The following BCL6 variants were observed in gnomAD, a reference collection of about 807,000 sequenced individuals.
The protein encoded by BCL6 is BCL6 transcription repressor.
A neutral mutation model predicts 59.5 loss-of-function variants in BCL6; 7 were observed. The observed-to-expected ratio is 0.12, with a 90% CI of 0.07 to 0.22. The LOEUF is 0.22. BCL6 is among the 10% of genes least tolerant of loss of function. The pLI is 1.00. For missense variants in BCL6, 685 were observed against 939.4 expected, an observed-to-expected ratio of 0.73 and a Z score of 3.54; for synonymous variants, 339 against 349.7, an observed-to-expected ratio of 0.97 and a Z score of 0.34.
intron 1 of BCL6, among the ~76,000 whole-genome samples, chr3:187,744,557 C>G (rs527484525): frequency 1.3e-5 from 2 of 152,294 alleles, no homozygotes; most frequent in South Asian, 2.1e-4. Context: ...GATACTTCAT[C>G]TCATCTGGAT....
chr3:187,744,201 T>G (rs148200833), intron 1 of BCL6, among the ~76,000 whole-genome samples: 3 of 152,162 alleles, frequency 2.0e-5, no homozygotes, highest in African/African-American at 4.8e-5. Context: ...GCGCCCAAAA[T>G]ACAAACACCG....
At chr3:187,744,647 G>C (rs1312771250) in intron 1 of BCL6, among the ~76,000 whole-genome samples, 1 of 152,182 alleles carries the variant, frequency 6.6e-6, no homozygotes, top group African/African-American at 2.4e-5. Context: ...CGGCTCGAAG[G>C]CAGGGAATCT....
At chr3:187,730,584 T>A (rs759738696) in intron 4 of BCL6, among the ~76,000 whole-genome samples, 1 of 152,224 alleles carries the variant, frequency 6.6e-6, no homozygotes, top group Non-Finnish European at 1.5e-5. Context: ...TGCCAATGTA[T>A]GAATCCCTGG....
intron 1 of BCL6, among the ~76,000 whole-genome samples, chr3:187,743,758 C>T (rs1711717542): frequency 1.4e-5 from 2 of 143,050 alleles, no homozygotes; most frequent in Middle Eastern, 3.6e-3. Flanking sequence ...GCCCCCGGAG[C>T]TCAGCCGATT....
intron 1 of BCL6, among the ~76,000 whole-genome samples, chr3:187,744,917 CGA>C: frequency 6.6e-6 from 1 of 152,226 alleles, no homozygotes; most frequent in Middle Eastern, 3.4e-3. Flanking sequence ...AGCGAGAGCG[CGA>C]GCGCGCGTCC....
chr3:187,738,541 C>T lies in BCL6; in HGVS notation c.-49-3634G>A, dbSNP rs142163377. ...TCGGCAAAGGCCGGGGCCCCGACCC[C>T]TGCGCGCGCACTGGCACTCTCCAAA... On this transcript the variant is annotated intron_variant, in intron 1 of 9. Transcript: ENST00000406870. Among the ~76,000 whole-genome samples, 292 of 152,324 alleles carry T rather than the reference C, an allele frequency of 1.9e-3. 1 individual carries two copies. Among genetic ancestry groups the T allele is most frequent in the African/African-American group, 6.8e-3 (281 of 41,582 alleles).
Position 187,722,262 on chromosome 3 carries a change from G to T in BCL6, c.*196C>A. The T allele has an allele frequency of 1.8e-6, 1 of 555,952 alleles. No individual in the cohort carries two copies. The highest frequency in any genetic ancestry group is 2.9e-6 in the Non-Finnish European group (1 of 339,850). 34.4% of individuals were successfully genotyped at this position (555,952 alleles called of 1,614,324 possible). On this transcript the variant is annotated 3_prime_UTR_variant, in exon 10 of 10. Transcript: ENST00000406870. Reference sequence around the variant, plus strand: ...AATATGATTTTCTTAATGTTTTATGGCAGTGGGGGAGGGGGAGCTGCTGCG... The same window carrying T: ...AATATGATTTTCTTAATGTTTTATGTCAGTGGGGGAGGGGGAGCTGCTGCG...
chr3:187,744,212 C>CA (rs764850592), intron 1 of BCL6, among the ~76,000 whole-genome samples: 19 of 152,312 alleles, frequency 1.2e-4, no homozygotes, highest in Non-Finnish European at 2.4e-4. Context: ...ACAAACACCG[C>CA]AGCGGCCAGA....
intron 1 of BCL6, among the ~76,000 whole-genome samples, chr3:187,740,739 T>A (rs910331511): frequency 6.6e-6 from 1 of 152,196 alleles, no homozygotes; most frequent in Admixed American, 6.5e-5. Context: ...CTAGGTGGCA[T>A]CCTTCCACTA....
In BCL6 at chr3:187,725,187, C is replaced by T; in HGVS notation, c.1840-109G>A. ...GTGGGCCTTTCTCCAGGCCACTCTG[C>T]TCACCTGCACACAGGGACTGAGTGG... On this transcript the variant is annotated intron_variant, in intron 8 of 9. Transcript: ENST00000406870. This position sits in a 1 kb window ranked among gnomAD's most constrained non-coding sequence, Gnocchi z 4.7. The T allele has an allele frequency of 6.7e-7, 1 of 1,489,370 alleles. No individual in the cohort carries two copies. Among genetic ancestry groups the T allele is most frequent in the Non-Finnish European group, 9.2e-7 (1 of 1,086,870 alleles). 92.3% of individuals were successfully genotyped at this position (1,489,370 alleles called of 1,614,324 possible).
intron 1 of BCL6, among the ~76,000 whole-genome samples, chr3:187,744,832 GCGAGAAAAGAGGGAAAAAACACAGCCGCA>G: frequency 6.6e-6 from 1 of 152,110 alleles, no homozygotes; most frequent in East Asian, 1.9e-4. Context: ...CAGTTTGCAA[GCGAGAAAAGAGGGAAAAAACACAGCCGCA>G]CGAATCCAGA....
intron 1 of BCL6, among the ~76,000 whole-genome samples, chr3:187,742,591 T>G (rs955023591): frequency 6.6e-6 from 1 of 152,126 alleles, no homozygotes; most frequent in Non-Finnish European, 1.5e-5. Context: ...TGCTTCGGCC[T>G]CTAGTATTGG....
intron 1 of BCL6, among the ~76,000 whole-genome samples, chr3:187,740,160 G>A (rs1711535537): frequency 6.6e-6 from 1 of 152,170 alleles, no homozygotes; most frequent in South Asian, 2.1e-4. Flanking sequence ...TCACGAGCTC[G>A]GAGAAAGAAA....
intron 1 of BCL6, among the ~76,000 whole-genome samples, chr3:187,743,916 T>TCGCGCC (rs1211514958): frequency 3.3e-5 from 5 of 152,184 alleles, no homozygotes; most frequent in South Asian, 2.1e-4. Flanking sequence ...GATCTCCCTT[T>TCGCGCC]CGCGCCCGCG....
chr3:187,730,162 A>G (rs1312687433), intron 4 of BCL6, 141 bp from the exon 5 acceptor site: 3 of 1,201,118 alleles, frequency 2.5e-6, no homozygotes, highest in African/African-American at 3.1e-5. Flanking sequence ...AGGGAACCAC[A>G]ATTACAACGC....
At chr3:187,730,214 G>T (rs1020339883) in intron 4 of BCL6, among the ~76,000 whole-genome samples, 193 bp from the exon 5 acceptor site, 1 of 152,220 alleles carries the variant, frequency 6.6e-6, no homozygotes, top group Non-Finnish European at 1.5e-5. Context: ...AAATTGGGAA[G>T]ACTGAGTCCC....
rs1718625122 is a variant in BCL6, at chr3:187,725,314, C to A, written c.1839+185G>T. 6.7e-6 allele frequency among the ~76,000 whole-genome samples: 1 copy of A among 150,192 alleles called. No individual in the cohort carries two copies. Among genetic ancestry groups the A allele is most frequent in the Non-Finnish European group, 1.5e-5 (1 of 67,148 alleles). ...TCACCTGCCCGCTCTGCTCACCTGC[C>A]CGCTCTGCTCACCTGCACACGGGGA... On this transcript the variant is annotated intron_variant, in intron 8 of 9. Transcript: ENST00000406870. This position sits in a 1 kb window ranked among gnomAD's most constrained non-coding sequence, Gnocchi z 4.7.
At chr3:187,744,848 A>G (rs1432545347) in intron 1 of BCL6, among the ~76,000 whole-genome samples, 3 of 152,220 alleles carry the variant, frequency 2.0e-5, no homozygotes, top group Middle Eastern at 3.4e-3. Flanking sequence ...AAAGAGGGAA[A>G]AAACACAGCC....
At chr3:187,744,277 C>CT (rs1409728400) in intron 1 of BCL6, among the ~76,000 whole-genome samples, 2 of 152,100 alleles carry the variant, frequency 1.3e-5, no homozygotes, top group Non-Finnish European at 2.9e-5. Flanking sequence ...TCCCTGAGTC[C>CT]CCCCGCACAC....
Sources: gnomAD v4.1 joint callset for allele counts (sites outside exome capture counted in the v4.1 genomes callset) on GRCh38, gnomAD v4.1.1 for gene constraint, Gnocchi (gnomAD v3.1) non-coding constraint, MANE v1.5 for transcripts, NCBI Gene and HGNC (gene_info 2026-07-23, HGNC 2026-07-21) for gene names.